The following MED27 variants were observed in gnomAD, a reference collection of about 807,000 sequenced individuals.
The protein encoded by MED27 is mediator complex subunit 27.
A neutral mutation model predicts 38.2 loss-of-function variants in MED27; 30 were observed. The observed-to-expected ratio is 0.79, with a 90% CI of 0.59 to 1.07. The LOEUF is 1.07. Among genes scored for constraint, MED27 ranks in the 50% least tolerant of loss-of-function variants. The pLI is 0.00. For missense variants in MED27, 289 were observed against 397.5 expected, an observed-to-expected ratio of 0.73 and a Z score of 2.32; for synonymous variants, 122 against 153.5, an observed-to-expected ratio of 0.79 and a Z score of 1.52.
chr9:131,926,979 T>C (rs1332420921), intron 4 of MED27, among the ~76,000 whole-genome samples: 1 of 152,242 alleles, frequency 6.6e-6, no homozygotes, highest in Non-Finnish European at 1.5e-5. Context: ...AATTAATATT[T>C]TAAATGCCGA....
chr9:131,927,305 T>C (rs1200901563), intron 4 of MED27, among the ~76,000 whole-genome samples: 1 of 152,220 alleles, frequency 6.6e-6, no homozygotes, highest in Non-Finnish European at 1.5e-5. Context: ...TTGTATAGGC[T>C]ACAGTTGATT....
At chr9:131,918,438 A>G (rs1830331957) in intron 4 of MED27, among the ~76,000 whole-genome samples, 1 of 152,266 alleles carries the variant, frequency 6.6e-6, no homozygotes, top group Non-Finnish European at 1.5e-5. Context: ...TTAACTAAAC[A>G]GACAATGTAT....
At chr9:131,929,644 G>A (rs575926747) in intron 4 of MED27, among the ~76,000 whole-genome samples, 1 of 152,332 alleles carries the variant, frequency 6.6e-6, no homozygotes, top group South Asian at 2.1e-4. Context: ...CCACGGACCA[G>A]TGGTGGTGGC....
intron 2 of MED27, among the ~76,000 whole-genome samples, chr9:132,047,193 A>G (rs1202392511): frequency 6.6e-6 from 1 of 152,082 alleles, no homozygotes; most frequent in African/African-American, 2.4e-5. Context: ...AGTATTACCC[A>G]GAGAGAAAAT....
chr9:132,056,322 G>A (rs1256433261), intron 2 of MED27, among the ~76,000 whole-genome samples: 1 of 152,194 alleles, frequency 6.6e-6, no homozygotes, highest in Admixed American at 6.5e-5. Context: ...AGTCATGACA[G>A]GGAAAAGCAG....
intron 2 of MED27, among the ~76,000 whole-genome samples, chr9:132,076,451 C>T (rs1225132283): frequency 6.6e-6 from 1 of 152,050 alleles, no homozygotes; most frequent in East Asian, 1.9e-4. Flanking sequence ...CCAAAGAATA[C>T]TAAAACACCC....
intron 3 of MED27, among the ~76,000 whole-genome samples, chr9:131,998,956 G>T (rs544576048): frequency 3.6e-4 from 54 of 152,032 alleles, no homozygotes; most frequent in African/African-American, 1.3e-3. Context: ...GTCAAATAGG[G>T]AAAGGACAGC....
intron 3 of MED27, among the ~76,000 whole-genome samples, chr9:132,001,556 A>T (rs1330549628): frequency 6.6e-6 from 1 of 152,130 alleles, no homozygotes; most frequent in African/African-American, 2.4e-5. Context: ...AAAAAAAACA[A>T]AAAAATCACC....
chr9:131,986,086 A>G (rs1224445357), intron 3 of MED27, among the ~76,000 whole-genome samples: 1 of 152,248 alleles, frequency 6.6e-6, no homozygotes, highest in East Asian at 1.9e-4. Flanking sequence ...ACGTCATAAC[A>G]AAAGAATCAA....
chr9:131,930,864 T>C (rs1830572372), intron 4 of MED27, among the ~76,000 whole-genome samples: 1 of 152,146 alleles, frequency 6.6e-6, no homozygotes, highest in Admixed American at 6.5e-5. Flanking sequence ...AGCGGGGCCA[T>C]GAAAAAGTGT....
At chr9:132,032,792 GCCC>G (rs1056343744) in intron 2 of MED27, among the ~76,000 whole-genome samples, 2 of 152,036 alleles carry the variant, frequency 1.3e-5, no homozygotes, top group African/African-American at 4.8e-5. Context: ...GGCCTCCCCT[GCCC>G]CTCCCTCTCA....
At chr9:132,015,799 T>G (rs574416577) in intron 2 of MED27, among the ~76,000 whole-genome samples, 1 of 152,326 alleles carries the variant, frequency 6.6e-6, no homozygotes, top group African/African-American at 2.4e-5. Flanking sequence ...AATATCGCTA[T>G]AATAAAATTA....
Position 131,861,030 on chromosome 9 carries a change from C to A in MED27, c.802-358G>T, listed in dbSNP as rs1190606038. On this transcript the variant is annotated intron_variant, in intron 7 of 7. Transcript: ENST00000292035. This position sits in a 1 kb window ranked among gnomAD's most constrained non-coding sequence, Gnocchi z 4.4. ...ATGTCTTCTGAATGTCAGTATCCAT[C>A]CTCTTCTCCTTGCCCACTACTAAGA... Among the ~76,000 whole-genome samples the A allele has an allele frequency of 1.3e-5, 2 of 152,094 alleles. No individual in the cohort carries two copies. Among genetic ancestry groups the A allele is most frequent in the Non-Finnish European group, 2.9e-5 (2 of 68,022 alleles).
At chr9:132,012,322 GAAGCATTCTGCCAAATAGT>G (rs1832502497) in intron 3 of MED27, among the ~76,000 whole-genome samples, 2 of 152,190 alleles carry the variant, frequency 1.3e-5, no homozygotes, top group Non-Finnish European at 2.9e-5. Flanking sequence ...TGGCCCTTAA[GAAGCATTCTGCCAAATAGT>G]CAAAACTCTG....
chr9:131,936,743 A>C (rs140796740), intron 4 of MED27, among the ~76,000 whole-genome samples: 504 of 152,340 alleles, frequency 3.3e-3, no homozygotes, highest in Non-Finnish European at 4.8e-3. Context: ...TGCACCTGGC[A>C]CCATCAAACA....
At chr9:131,989,359 C>G (rs1831922845) in intron 3 of MED27, among the ~76,000 whole-genome samples, 1 of 152,144 alleles carries the variant, frequency 6.6e-6, no homozygotes, top group Non-Finnish European at 1.5e-5. Context: ...ACAGCAGGAG[C>G]CTAGGATTTC....
In MED27 at chr9:131,997,703, T is replaced by C. The variant is rs975313527; in HGVS notation, c.479+16634A>G. 1.3e-5 allele frequency among the ~76,000 whole-genome samples: 2 copies of C among 152,228 alleles called. No homozygotes were observed. Among genetic ancestry groups the C allele is most frequent in the African/African-American group, 4.8e-5 (2 of 41,464 alleles). On this transcript the variant is annotated intron_variant, in intron 3 of 7. Coordinates refer to ENST00000292035, the MANE Select transcript of MED27 (RefSeq NM_004269.4). This position sits in a 1 kb window ranked among gnomAD's most constrained non-coding sequence, Gnocchi z 4.0. ...TGAGACATACAGATTCCGGGTTCTC[T>C]GTGCCCAGGTTTGAATTCCAGTCCC...
At chr9:132,056,684 C>G (rs192662941) in intron 2 of MED27, among the ~76,000 whole-genome samples, 449 of 152,284 alleles carry the variant, frequency 2.9e-3, no homozygotes, top group Admixed American at 4.7e-3. Context: ...TCAACTTTCA[C>G]AGATTAGGAA....
At chr9:132,057,435 G>A (rs1048459086) in intron 2 of MED27, among the ~76,000 whole-genome samples, 5 of 152,340 alleles carry the variant, frequency 3.3e-5, no homozygotes, top group South Asian at 4.1e-4. Context: ...AGGCAGCCGC[G>A]GCAAAGGTCT....
Sources: allele counts gnomAD v4.1 joint callset (sites outside exome capture counted in the v4.1 genomes callset), GRCh38; gene constraint gnomAD v4.1.1; non-coding constraint Gnocchi (gnomAD v3.1); transcripts MANE v1.5; gene names NCBI Gene and HGNC (gene_info 2026-07-23, HGNC 2026-07-21).